Variants in THRAP3 observed in about 807,000 individuals in gnomAD.
THRAP3 encodes thyroid hormone receptor-associated protein 3.
In THRAP3, 16 loss-of-function variants were observed where a neutral mutation model predicts 101.0. The ratio of observed to expected loss-of-function variants is 0.16; its 90% confidence interval spans 0.11 to 0.24. The LOEUF is 0.24. THRAP3 is among the 10% of genes least tolerant of loss of function. The probability of loss-of-function intolerance (pLI) is 1.00; values close to 1 mark genes in which losing one functional copy is unlikely to be tolerated. For synonymous variants in THRAP3, 407 were observed against 422.6 expected (o/e 0.96, Z 0.45); for missense variants, 989 against 1,202.7 (o/e 0.82, Z 2.63).
At chr1:36,239,591 C>G (rs778409508) in intron 1 of THRAP3, among the ~76,000 whole-genome samples, 4 of 152,134 alleles carry the variant, frequency 2.6e-5, no homozygotes, top group Non-Finnish European at 1.5e-5. Flanking sequence ...ATTTCATCAT[C>G]CCTGTAAGGC....
Position 36,254,465 on chromosome 1 carries a change from T to C in THRAP3, c.-134-4917T>C, listed in dbSNP as rs58510569. On this transcript the variant is annotated intron_variant, in intron 1 of 11. Coordinates refer to ENST00000354618, the MANE Select transcript of THRAP3 (RefSeq NM_005119.4). The stretch of plus-strand genomic sequence containing the variant: ...ATCTGCTTTTCTTGTTTTGATGTGA[T>C]GGATATGCACTGGTAATTAAAAATA... Among the ~76,000 whole-genome samples the C allele has an allele frequency of 9.8e-5, 15 of 152,338 alleles. No individual in the cohort carries two copies. The East Asian group carries it at 2.9e-3, about 29-fold the overall frequency.
intron 2 of THRAP3, among the ~76,000 whole-genome samples, chr1:36,264,990 C>T (rs1044159149): frequency 5.3e-5 from 8 of 152,044 alleles, no homozygotes; most frequent in South Asian, 2.1e-4. Context: ...CCTGTGTCTC[C>T]GCATATCAGG....
At chr1:36,239,318 G>C (rs528023329) in intron 1 of THRAP3, among the ~76,000 whole-genome samples, 6 of 145,262 alleles carry the variant, frequency 4.1e-5, no homozygotes, top group Admixed American at 1.4e-4. Context: ...GGAGTGCAGT[G>C]GCTCGATGTC....
chr1:36,299,731 A>G (rs1006340820), intron 9 of THRAP3, among the ~76,000 whole-genome samples: 4 of 151,736 alleles, frequency 2.6e-5, no homozygotes, highest in Non-Finnish European at 4.4e-5. Flanking sequence ...CTGGTCTCGA[A>G]CTCCTGACCT....
intron 2 of THRAP3, 76 bp from the exon 3 acceptor site, chr1:36,282,457 G>T: frequency 5.8e-6 from 6 of 1,032,544 alleles, no homozygotes; most frequent in Non-Finnish European, 5.5e-6. Context: ...AAAGAAATGT[G>T]TTTCTAAAAT....
At chr1:36,283,584 G>C (rs1269643225) in intron 3 of THRAP3, among the ~76,000 whole-genome samples, 1 of 152,006 alleles carries the variant, frequency 6.6e-6, no homozygotes, top group Non-Finnish European at 1.5e-5. Context: ...TTAGCAAGGA[G>C]ATGATTTGTC....
At chr1:36,292,826 C>A in intron 7 of THRAP3, 117 bp downstream of exon 7, 1 of 712,794 alleles carries the variant, frequency 1.4e-6, no homozygotes, top group Non-Finnish European at 2.4e-6. Flanking sequence ...ACAGTAACAT[C>A]CTTCAGACTC....
chr1:36,209,775 G>A, the THRAP3 span, among the ~76,000 whole-genome samples: 3 of 152,290 alleles, frequency 2.0e-5, no homozygotes, highest in Non-Finnish European at 4.4e-5. Flanking sequence ...ACTTTCCTGG[G>A]AATAACTGGC....
intron 1 of THRAP3, chr1:36,224,910 TCTC>T (rs1644943998): frequency 6.6e-6 from 1 of 152,366 alleles, no homozygotes; most frequent in South Asian, 2.1e-4. Context: ...GGTTCGGTCT[TCTC>T]CTAGGGCGCA....
At chr1:36,216,258 G>A in the THRAP3 span, among the ~76,000 whole-genome samples, 2 of 151,802 alleles carry the variant, frequency 1.3e-5, no homozygotes, top group East Asian at 1.9e-4. Context: ...TGTAGCTCAC[G>A]CCTGTAATCC....
At chr1:36,235,431 A>G (rs913084554) in intron 1 of THRAP3, among the ~76,000 whole-genome samples, 3 of 152,194 alleles carry the variant, frequency 2.0e-5, no homozygotes, top group African/African-American at 7.2e-5. Context: ...CAAAAAGGCA[A>G]TATTTTAAGA....
chr1:36,269,737 ATTT>A, intron 2 of THRAP3, among the ~76,000 whole-genome samples: 1 of 146,292 alleles, frequency 6.8e-6, no homozygotes, highest in Non-Finnish European at 1.5e-5. Flanking sequence ...TGCCCAGCTA[ATTT>A]TTTTTTTTTT....
rs548202894 is a variant in THRAP3 at position 36,248,754 on chromosome 1, C to A, written c.-134-10628C>A. 1.7e-4 allele frequency among the ~76,000 whole-genome samples: 26 copies of A among 152,116 alleles called. No individual in the cohort carries two copies. In the South Asian group the frequency reaches 5.0e-3, roughly 29 times the overall value. On this transcript the variant is annotated intron_variant, in intron 1 of 11. Transcript: ENST00000354618. ...ATTTATACTTGTGTCTTCACTGTTGCCATGCTTGCTCAGATGTTTATTATC... is the reference window on the plus strand; with the variant it reads ...ATTTATACTTGTGTCTTCACTGTTGACATGCTTGCTCAGATGTTTATTATC...
At chr1:36,210,782 T>G in the THRAP3 span, among the ~76,000 whole-genome samples, 2 of 131,976 alleles carry the variant, frequency 1.5e-5, no homozygotes, top group Non-Finnish European at 3.1e-5. Context: ...ATGGGAGCCT[T>G]TGGCAGTGGT....
At chr1:36,261,306 G>A (rs1187293310) in intron 2 of THRAP3, among the ~76,000 whole-genome samples, 3 of 152,156 alleles carry the variant, frequency 2.0e-5, no homozygotes, top group Admixed American at 6.5e-5. Flanking sequence ...GCCAAGGCGG[G>A]CAGATCACGA....
At chr1:36,212,574 C>T in the THRAP3 span, among the ~76,000 whole-genome samples, 26 of 152,086 alleles carry the variant, frequency 1.7e-4, no homozygotes, top group African/African-American at 5.8e-4. Flanking sequence ...GTGCGTGCCA[C>T]CATGCTCGGC....
At chr1:36,215,284 A>G in the THRAP3 span, among the ~76,000 whole-genome samples, 122 of 152,188 alleles carry the variant, frequency 8.0e-4, no homozygotes, top group Middle Eastern at 3.4e-3. Flanking sequence ...ATAAAATCCA[A>G]TCTCCTCAAT....
intron 1 of THRAP3, among the ~76,000 whole-genome samples, chr1:36,238,785 T>A (rs4653167): frequency 0.97 from 146,985 of 152,096 alleles, 71,255 homozygotes; most frequent in Middle Eastern, 1. Context: ...AGCTTACTAC[T>A]GCCCCTCAAA....
chr1:36,220,272 T>C (rs1255828249), upstream of THRAP3, among the ~76,000 whole-genome samples: 1 of 152,200 alleles, frequency 6.6e-6, no homozygotes, highest in Non-Finnish European at 1.5e-5. Flanking sequence ...GGATTACAGG[T>C]GTGAGCCACT....
Sources: allele counts gnomAD v4.1 joint callset (sites outside exome capture counted in the v4.1 genomes callset), GRCh38; gene constraint gnomAD v4.1.1; transcripts MANE v1.5; gene names NCBI Gene and HGNC (gene_info 2026-07-23, HGNC 2026-07-21).